The following EVPLL variants were observed in gnomAD, a reference collection of about 807,000 sequenced individuals.
EVPLL encodes the protein envoplakin-like protein.
In EVPLL, 39 loss-of-function variants were observed where a neutral mutation model predicts 46.2. The ratio of observed to expected loss-of-function variants is 0.84; its 90% CI spans 0.65 to 1.10. EVPLL has a LOEUF of 1.10. EVPLL is among the 50% of genes least tolerant of loss of function. The pLI is 0.00. For synonymous variants in EVPLL, 156 were observed against 165.8 expected (o/e 0.94, Z 0.46); for missense variants, 385 against 412.6 (o/e 0.93, Z 0.58).
intron 9 of EVPLL, among the ~76,000 whole-genome samples, chr17:18,385,322 G>A (rs1987734404): frequency 1.1e-5 from 1 of 90,562 alleles, no homozygotes; most frequent in African/African-American, 4.9e-5. Flanking sequence ...CTGCCCCCTC[G>A]GTTCGGGAGG....
Position 18,381,238 on chromosome 17 carries a change from G to A in EVPLL, c.64-129G>A, listed in dbSNP as rs1987558984. On this transcript the variant is annotated intron_variant, in intron 2 of 10. Coordinates refer to ENST00000399134, the MANE Select transcript of EVPLL (RefSeq NM_001145127.2). This position sits in a 1 kb window ranked among gnomAD's most constrained non-coding sequence, Gnocchi z 4.2. ...ATGGACGCCCTGGGCCTGACCCTGTGCCTGGCGTGGGCCTCGAGGTTGGCC... is the reference window on the plus strand; with the variant it reads ...ATGGACGCCCTGGGCCTGACCCTGTACCTGGCGTGGGCCTCGAGGTTGGCC... The A allele has an allele frequency of 2.8e-6, 4 of 1,413,462 alleles. No individual in the cohort carries two copies. In the East Asian group the frequency reaches 1.0e-4, roughly 35 times the overall value. 87.6% of individuals were successfully genotyped at this position (1,413,462 alleles called of 1,614,324 possible).
Position 18,383,202 on chromosome 17 carries a change from TG to T in EVPLL, c.672+21del. On this transcript the variant is annotated intron_variant, in intron 7 of 10. Coordinates refer to ENST00000399134, the MANE Select transcript of EVPLL (RefSeq NM_001145127.2). ...GAATACGAGGTCGGCTGGCAGAGGTTGGGGCCAGGCGGGGGCGACCAGGGCC... is the reference window on the plus strand; with the variant it reads ...GAATACGAGGTCGGCTGGCAGAGGTTGGGCCAGGCGGGGGCGACCAGGGCC... 1 of 1,546,994 alleles carries T rather than the reference TG, an allele frequency of 6.5e-7. No homozygotes were observed. Among genetic ancestry groups the T allele is most frequent in the East Asian group, 2.4e-5 (1 of 41,224 alleles).
intron 1 of EVPLL, among the ~76,000 whole-genome samples, chr17:18,379,676 T>C (rs1406865994): frequency 1.3e-5 from 2 of 152,228 alleles, no homozygotes; most frequent in East Asian, 3.8e-4. Context: ...GAGCACTTAC[T>C]GCATGCCAGG....
At position 18,381,675 on chromosome 17, in the gene EVPLL, G is replaced by C. The variant is rs576324254; in HGVS notation, c.291G>C (p.Leu97=). 1.9e-6 allele frequency: 3 copies of C among 1,614,218 alleles called. No individual in the cohort carries two copies. In the Admixed American group the frequency reaches 5.0e-5, roughly 27 times the overall value. Residue 97 remains leucine, a synonymous_variant, in exon 4 of 11, where the codon CTG becomes CTC. Coordinates refer to ENST00000399134, the MANE Select transcript of EVPLL (RefSeq NM_001145127.2). The surrounding 1 kb of genome is among the most constrained non-coding windows in gnomAD (Gnocchi z 4.2). The part of the protein sequence containing the change: ...EYCALYEKMV[L]PPRRGIQGRL... ...GTGCCCTGTACGAGAAGATGGTGCT[G>C]CCGCCCCGACGTGGGATCCAAGGTC...
chr17:18,380,827 C>CAGG, intron 1 of EVPLL, 75 bp from the exon 2 acceptor site: 1 of 1,270,912 alleles, frequency 7.9e-7, no homozygotes, highest in Non-Finnish European at 1.1e-6. Context: ...GGAGAGAGGG[C>CAGG]AGGGGACGCC....
At chr17:18,388,005 C>CCTGT (rs1178730655) in intron 9 of EVPLL, 2 of 144,146 alleles carry the variant, frequency 1.4e-5, no homozygotes, top group Non-Finnish European at 2.9e-5. Context: ...GGAGCAAGAC[C>CCTGT]CTGTCTCTCT....
chr17:18,382,574 A>G lies in EVPLL; in HGVS notation c.408A>G (p.Gly136=). 6.4e-7 allele frequency: 1 copy of G among 1,551,782 alleles called. No individual in the cohort carries two copies. ...GCGGAGCTGGAGGAACAGATCGCGG[A>G]GCTCAACATCGTGCAGAAGGAGATC... ...GHGGAGGTDR[G]AQHRAEGDQR... The change falls in exon 5 of 11, where the codon GGA becomes GGG. Residue 136 remains glycine (G), a synonymous_variant. Coordinates refer to ENST00000399134, the MANE Select transcript of EVPLL (RefSeq NM_001145127.2).
At chr17:18,380,849 G>T in intron 1 of EVPLL, 53 bp from the exon 2 acceptor site, 1 of 1,465,398 alleles carries the variant, frequency 6.8e-7, no homozygotes, top group Non-Finnish European at 9.3e-7. Context: ...CCTGGATGGG[G>T]CACAGAGGGG....
Position 18,383,464 on chromosome 17 carries a change from T to C in EVPLL, c.781-28T>C, listed in dbSNP as rs1466586980. Reference sequence around the variant, plus strand: ...ACGTGGGTGCGGGGGCGGGGCGTGGTCCGAGGGCTCCGTGCTGCGGTACCC... The same window carrying C: ...ACGTGGGTGCGGGGGCGGGGCGTGGCCCGAGGGCTCCGTGCTGCGGTACCC... On this transcript the variant is annotated intron_variant, in intron 8 of 10. Transcript: ENST00000399134. 29 of 1,550,126 alleles carry C rather than the reference T, an allele frequency of 1.9e-5. No homozygotes were observed. In the Admixed American group the frequency reaches 4.9e-4, roughly 26 times the overall value.
chr17:18,381,055 C>T lies in EVPLL; in HGVS notation c.63+55C>T, dbSNP rs1987551397. On this transcript the variant is annotated intron_variant, in intron 2 of 10. Coordinates refer to ENST00000399134, the MANE Select transcript of EVPLL (RefSeq NM_001145127.2). This position sits in a 1 kb window ranked among gnomAD's most constrained non-coding sequence, Gnocchi z 4.2. ...TGGGCAGGCTGGGTGGCATGGGAGG[C>T]CCATCATCAGGCCTGGCACTCCCTG... is the stretch of plus-strand genomic sequence containing the variant. 3.9e-6 allele frequency: 6 copies of T among 1,545,002 alleles called. No individual in the cohort carries two copies. In the Admixed American group the frequency reaches 5.9e-5, roughly 15 times the overall value.
In EVPLL at chr17:18,377,894, G is replaced by A. The variant is rs1598092491; in HGVS notation, c.-126G>A. ...CACCTGCCTTTATGACCATGTTCAA[G>A]GGACTGAGCAAAGGCTCCCAGGGGA... is the stretch of plus-strand genomic sequence containing the variant. On this transcript the variant is annotated 5_prime_UTR_variant, in exon 1 of 11. Coordinates refer to ENST00000399134, the MANE Select transcript of EVPLL (RefSeq NM_001145127.2). The A allele has an allele frequency of 8.9e-7, 1 of 1,119,424 alleles. No homozygotes were observed. The highest frequency in any genetic ancestry group is 3.0e-5 in the East Asian group (1 of 33,836). 69.3% of individuals were successfully genotyped at this position (1,119,424 alleles called of 1,614,324 possible).
chr17:18,380,608 G>A (rs973120467), intron 1 of EVPLL: 9 of 274,572 alleles, frequency 3.3e-5, no homozygotes, highest in South Asian at 8.3e-5. Flanking sequence ...GGGTGGGGTC[G>A]GGAACTCACT....
At position 18,383,031 on chromosome 17, in the gene EVPLL, G is replaced by C. The variant is rs1377423045; in HGVS notation, c.518G>C (p.Gly173Ala). Residue 173 changes from glycine to alanine, a missense_variant, in exon 7 of 11, where the codon GGC becomes GCC. By Grantham distance (60) the Gly-to-Ala change is moderately conservative. Transcript: ENST00000399134. ...PEPIPRPTEG[G>A]VVARAEPGQP... ...CGGCGGGTCCTGAGCACAGAGGGCG[G>C]CGTCGTGGCGCGGGCAGAGCCTGGG... 4 of 1,557,278 alleles carry C rather than the reference G, an allele frequency of 2.6e-6. No individual in the cohort carries two copies. The highest frequency in any genetic ancestry group is 3.5e-6 in the Non-Finnish European group (4 of 1,157,322).
At chr17:18,384,923 AAG>A (rs1338713492) in intron 9 of EVPLL, among the ~76,000 whole-genome samples, 1 of 151,894 alleles carries the variant, frequency 6.6e-6, no homozygotes, top group Non-Finnish European at 1.5e-5. Flanking sequence ...GATGGGTAGA[AAG>A]AGATGGGGGA....
chr17:18,388,560 C>T lies in EVPLL; in HGVS notation c.*40+272C>T, dbSNP rs73981311. 690 of 234,994 alleles carry T rather than the reference C, an allele frequency of 2.9e-3. 8 individuals are homozygous for T. Among genetic ancestry groups the T allele is most frequent in the African/African-American group, 0.015 (647 of 43,852 alleles). The allele number at this position is 234,994 out of a possible 1,614,324, so 14.6% of individuals were successfully genotyped here. On this transcript the variant is annotated intron_variant, in intron 10 of 10. Transcript: ENST00000399134. ...CAGATGTGTGAGGCCACATCACTGC[C>T]CCCTTTGAGATGGCCCAGAGGACCT...
At chr17:18,387,099 C>T (rs1362747621) in intron 9 of EVPLL, among the ~76,000 whole-genome samples, 1 of 150,032 alleles carries the variant, frequency 6.7e-6, no homozygotes, top group African/African-American at 2.5e-5. Flanking sequence ...CGGGCTTTCA[C>T]CATGTTAGCC....
chr17:18,382,569 C>A lies in EVPLL; in HGVS notation c.403C>A (p.Arg135Ser). 6.4e-7 allele frequency: 1 copy of A among 1,551,804 alleles called. No homozygotes were observed. The highest frequency in any genetic ancestry group is 8.7e-7 in the Non-Finnish European group (1 of 1,147,046). The stretch of plus-strand genomic sequence containing the variant: ...GCATGGCGGAGCTGGAGGAACAGAT[C>A]GCGGAGCTCAACATCGTGCAGAAGG... ...AGHGGAGGTD[R>S]GAQHRAEGDQ... is the part of the protein sequence containing the mutation. The change falls in exon 5 of 11, where the codon CGC (arginine) becomes AGC (serine). Residue 135 changes from arginine (R) to serine (S), a missense_variant. Physicochemically the swap from Arg to Ser is moderately radical, Grantham distance 110 (BLOSUM62 -1). Transcript: ENST00000399134.
At chr17:18,382,905 G>C (rs776320340) in intron 6 of EVPLL, 41 bp downstream of exon 6, 1 of 1,592,184 alleles carries the variant, frequency 6.3e-7, no homozygotes, top group Admixed American at 1.7e-5. Flanking sequence ...CTGCAGGTGG[G>C]CCTGGGTGGC....
Position 18,382,866 on chromosome 17 carries a change from T to C in EVPLL, c.511+2T>C. 2 of 1,612,892 alleles carry C rather than the reference T, an allele frequency of 1.2e-6. No individual in the cohort carries two copies. The highest frequency in any genetic ancestry group is 1.7e-6 in the Non-Finnish European group (2 of 1,179,574). ...CGGAGCCAATACCGAGACCTACTGG[T>C]GAGCAGGAGGGAGGGTCGGGCAGGG... On this transcript the variant is annotated splice_donor_variant, in intron 6 of 10. Coordinates refer to ENST00000399134, the MANE Select transcript of EVPLL (RefSeq NM_001145127.2). LOFTEE classifies it high-confidence loss of function.
Sources: gnomAD v4.1 joint callset for allele counts (sites outside exome capture counted in the v4.1 genomes callset) on GRCh38, gnomAD v4.1.1 for gene constraint, Gnocchi (gnomAD v3.1) non-coding constraint, MANE v1.5 for transcripts, NCBI Gene and HGNC (gene_info 2026-07-23, HGNC 2026-07-21) for gene names.